ADIPOQ: variants seen among roughly 807,000 people sequenced by gnomAD.
ADIPOQ encodes adiponectin, C1Q and collagen domain containing.
A neutral mutation model predicts 16.1 loss-of-function variants in ADIPOQ; 19 were observed. The observed-to-expected ratio is 1.18, with a 90% CI of 0.82 to 1.73. The LOEUF (loss-of-function observed/expected upper bound fraction) is 1.73. Among genes scored for constraint, ADIPOQ ranks in the 40% most tolerant of loss-of-function variants. The pLI, the probability that ADIPOQ is intolerant of heterozygous loss-of-function variation, is 0.00. For missense variants in ADIPOQ, 323 were observed against 308.3 expected (o/e 1.05, Z -0.36); for synonymous variants, 124 against 125.5 (o/e 0.99, Z 0.08).
intron 1 of ADIPOQ, among the ~76,000 whole-genome samples, chr3:186,849,813 A>G (rs1711686908): frequency 6.6e-6 from 1 of 152,248 alleles, no homozygotes; most frequent in African/African-American, 2.4e-5. Context: ...CTAGTCTTCA[A>G]GTGGGGAGAA....
intron 2 of ADIPOQ, 49 bp downstream of exon 2, chr3:186,853,321 A>G (rs1711859246): frequency 7.1e-6 from 11 of 1,539,462 alleles, no homozygotes; most frequent in Non-Finnish European, 9.7e-6. Context: ...ACACTGATAT[A>G]AACTATATGA....
intron 1 of ADIPOQ, among the ~76,000 whole-genome samples, chr3:186,851,178 C>G (rs1711754423): frequency 6.6e-6 from 1 of 152,060 alleles, no homozygotes; most frequent in African/African-American, 2.4e-5. Flanking sequence ...TTCATATAAT[C>G]TAGAAGAGAC....
At chr3:186,846,817 G>A (rs892165574) in intron 1 of ADIPOQ, among the ~76,000 whole-genome samples, 3 of 152,162 alleles carry the variant, frequency 2.0e-5, no homozygotes. Context: ...ATGCCTGTGC[G>A]AGGTTTGCCA....
Position 186,854,285 on chromosome 3 carries a change from G to A in ADIPOQ, c.316G>A (p.Glu106Lys), listed in dbSNP as rs1190313275. Residue 106 changes from glutamate (E) to lysine (K), a missense_variant, in exon 3 of 3, where the codon GAA becomes AAA. Physicochemically the swap from Glu to Lys is moderately conservative, Grantham distance 56. Coordinates refer to ENST00000320741, the MANE Select transcript of ADIPOQ (RefSeq NM_004797.4). The part of the protein sequence containing the change: ...GIQGRKGEPG[E>K]GAYVYRSAFS... Reference sequence around the variant, plus strand: ...CCAAGGCAGGAAAGGAGAACCTGGAGAAGGTGCCTATGTATACCGCTCAGC... The same window carrying A: ...CCAAGGCAGGAAAGGAGAACCTGGAAAAGGTGCCTATGTATACCGCTCAGC... The A allele has an allele frequency of 1.9e-6, 3 of 1,614,178 alleles. No individual in the cohort carries two copies. The highest frequency in any genetic ancestry group is 4.5e-5 in the East Asian group (2 of 44,884).
chr3:186,858,314 A>T lies in ADIPOQ; in HGVS notation c.*3610A>T, dbSNP rs1195047637. The T allele has an allele frequency of 6.7e-6, 1 of 150,110 alleles. No individual in the cohort carries two copies. Among genetic ancestry groups the T allele is most frequent in the Non-Finnish European group, 1.5e-5 (1 of 66,994 alleles). 9.3% of individuals were successfully genotyped at this position (150,110 alleles called of 1,614,324 possible). On this transcript the variant is annotated 3_prime_UTR_variant, in exon 3 of 3. Transcript: ENST00000320741. Reference sequence around the variant, plus strand: ...TTTTTGTGGTATATCTTTTTCCATCATGTTACTTTAAATATATCTATATTA... The same window carrying T: ...TTTTTGTGGTATATCTTTTTCCATCTTGTTACTTTAAATATATCTATATTA...
chr3:186,848,015 T>C (rs938221900), intron 1 of ADIPOQ, among the ~76,000 whole-genome samples: 2 of 151,686 alleles, frequency 1.3e-5, no homozygotes, highest in Non-Finnish European at 2.9e-5. Flanking sequence ...CTACTAAAAA[T>C]ACAAAAAATT....
intron 1 of ADIPOQ, chr3:186,852,685 C>T (rs1257119916): frequency 1.2e-5 from 3 of 243,442 alleles, no homozygotes; most frequent in Non-Finnish European, 2.4e-5. Context: ...TCTGTGTCAT[C>T]GTACTTGGGA....
chr3:186,855,268 T>C lies in ADIPOQ; in HGVS notation c.*564T>C, dbSNP rs1711954504. 5.9e-6 allele frequency: 1 copy of C among 169,580 alleles called. No homozygotes were observed. The highest frequency in any genetic ancestry group is 2.4e-5 in the African/African-American group (1 of 41,530). 10.5% of individuals were successfully genotyped at this position (169,580 alleles called of 1,614,324 possible). On this transcript the variant is annotated 3_prime_UTR_variant, in exon 3 of 3. Coordinates refer to ENST00000320741, the MANE Select transcript of ADIPOQ (RefSeq NM_004797.4). ...CCAAGCAGAGCTTCCTCAGAGAAAG[T>C]GGTTCTATGATGACGTCCTGTCTTG...
At position 186,853,050 on chromosome 3, in the gene ADIPOQ, G is replaced by A; in HGVS notation, c.-8-1G>A. The A allele has an allele frequency of 6.2e-7, 1 of 1,614,210 alleles. No individual in the cohort carries two copies. The highest frequency in any genetic ancestry group is 8.5e-7 in the Non-Finnish European group (1 of 1,180,028). ...GCTGACAGTGCACATGTGGATTCCA[G>A]GGCTCAGGATGCTGTTGCTGGGAGC... On this transcript the variant is annotated splice_acceptor_variant, in intron 1 of 2. Transcript: ENST00000320741. LOFTEE classifies it low-confidence loss of function (5UTR_SPLICE).
rs1189959902 is a variant in ADIPOQ, at chr3:186,857,359, T to C, written c.*2655T>C. On this transcript the variant is annotated 3_prime_UTR_variant, in exon 3 of 3. Coordinates refer to ENST00000320741, the MANE Select transcript of ADIPOQ (RefSeq NM_004797.4). ...CAGAAATAGGAGAGTGGATGATAGA[T>C]GCAAAATAATACCTGTCCACAACAA... The C allele has an allele frequency of 6.6e-6, 1 of 152,222 alleles. No individual in the cohort carries two copies. Among genetic ancestry groups the C allele is most frequent in the Non-Finnish European group, 1.5e-5 (1 of 68,052 alleles). The allele number at this position is 152,222 out of a possible 1,614,324, so 9.4% of individuals were successfully genotyped here. A position where few individuals can be genotyped will look rare whatever the true frequency, so the allele number is the denominator to read the frequency against.
At chr3:186,853,970 T>C (rs755244666) in intron 2 of ADIPOQ, 171 of 571,630 alleles carry the variant, frequency 3.0e-4, no homozygotes, top group Non-Finnish European at 4.8e-4. Context: ...CTATAGGAGA[T>C]AAAGATAGAG....
Position 186,854,427 on chromosome 3 carries a change from A to G in ADIPOQ, c.458A>G (p.Asn153Ser), listed in dbSNP as rs751624709. ...YDGSTGKFHC[N>S]IPGLYYFAYH... Reference sequence around the variant, plus strand: ...GGCTCCACTGGTAAATTCCACTGCAACATTCCTGGGCTGTACTACTTTGCC... The same window carrying G: ...GGCTCCACTGGTAAATTCCACTGCAGCATTCCTGGGCTGTACTACTTTGCC... Residue 153 changes from asparagine to serine, a missense_variant, in exon 3 of 3, where the codon AAC becomes AGC. By Grantham distance (46) the Asn-to-Ser change is conservative. Coordinates refer to ENST00000320741, the MANE Select transcript of ADIPOQ (RefSeq NM_004797.4). 2 of 1,614,252 alleles carry G rather than the reference A, an allele frequency of 1.2e-6. No homozygotes were observed.
Position 186,854,192 on chromosome 3 carries a change from G to T in ADIPOQ, c.223G>T (p.Gly75Cys), listed in dbSNP as rs199670988. 13 of 1,612,628 alleles carry T rather than the reference G, an allele frequency of 8.1e-6. No homozygotes were observed. The highest frequency in any genetic ancestry group is 3.3e-5 in the South Asian group (3 of 90,904). Residue 75 changes from glycine to cysteine, a missense_variant, in exon 3 of 3, where the codon GGT (glycine) becomes TGT (cysteine). Coordinates refer to ENST00000320741, the MANE Select transcript of ADIPOQ (RefSeq NM_004797.4). Reference sequence around the variant, plus strand: ...GTCTTCTCATTCCTTAGGTCTTATTGGTCCTAAGGGAGACATCGGTGAAAC... The same window carrying T: ...GTCTTCTCATTCCTTAGGTCTTATTTGTCCTAAGGGAGACATCGGTGAAAC... ...KGEKGDPGLI[G>C]PKGDIGETGV...
intron 1 of ADIPOQ, chr3:186,845,476 A>T (rs1711555086): frequency 6.6e-6 from 1 of 152,010 alleles, no homozygotes; most frequent in Non-Finnish European, 1.5e-5. Context: ...GATTCAAGTG[A>T]TTCTCCTGCC....
chr3:186,844,008 G>C (rs1445698670), intron 1 of ADIPOQ, among the ~76,000 whole-genome samples: 1 of 152,134 alleles, frequency 6.6e-6, no homozygotes, highest in Non-Finnish European at 1.5e-5. Flanking sequence ...CTCACTCCTA[G>C]GAACTCCGCT....
Position 186,854,926 on chromosome 3 carries a change from T to C in ADIPOQ, c.*222T>C, listed in dbSNP as rs542641384. 10 of 628,704 alleles carry C rather than the reference T, an allele frequency of 1.6e-5. No individual in the cohort carries two copies. In the South Asian group the frequency reaches 1.8e-4, roughly 11 times the overall value. The allele number at this position is 628,704 out of a possible 1,614,324, so 38.9% of individuals were successfully genotyped here. On this transcript the variant is annotated 3_prime_UTR_variant, in exon 3 of 3. Coordinates refer to ENST00000320741, the MANE Select transcript of ADIPOQ (RefSeq NM_004797.4). Reference sequence around the variant, plus strand: ...TCACAAACATGACCAGATAACTGACTAGAAAGAAGTAGTTGACAGTGCTAT... The same window carrying C: ...TCACAAACATGACCAGATAACTGACCAGAAAGAAGTAGTTGACAGTGCTAT...
At chr3:186,853,967 A>G in intron 2 of ADIPOQ, 1 of 567,240 alleles carries the variant, frequency 1.8e-6, no homozygotes, top group Non-Finnish European at 3.1e-6. Flanking sequence ...GACCTATAGG[A>G]GATAAAGATA....
chr3:186,845,193 C>T (rs955841234), intron 1 of ADIPOQ, among the ~76,000 whole-genome samples: 3 of 151,186 alleles, frequency 2.0e-5, no homozygotes, highest in East Asian at 1.9e-4. Flanking sequence ...TGTATGGGTG[C>T]GGGTATGTGT....
chr3:186,850,254 T>A (rs13066093), intron 1 of ADIPOQ, among the ~76,000 whole-genome samples: 106,375 of 143,582 alleles, frequency 0.74, 39,650 homozygotes, highest in Middle Eastern at 0.82. Flanking sequence ...TGGGTGACAG[T>A]GTGAAATCCT....
Sources: gnomAD v4.1 joint callset for allele counts (sites outside exome capture counted in the v4.1 genomes callset) on GRCh38, gnomAD v4.1.1 for gene constraint, MANE v1.5 for transcripts, NCBI Gene and HGNC (gene_info 2026-07-23, HGNC 2026-07-21) for gene names.